The following DACH1 variants were observed in gnomAD, a reference collection of about 807,000 sequenced individuals.
DACH1 encodes dachshund homolog 1.
Under a neutral mutation model 54.2 loss-of-function variants are expected in DACH1, and 12 were observed. That is an observed-to-expected ratio of 0.22 (90% CI 0.14 to 0.36). DACH1 has a LOEUF of 0.36. Among genes scored for constraint, DACH1 ranks in the 10% least tolerant of loss-of-function variants. The pLI, the probability that DACH1 is intolerant of heterozygous loss-of-function variation, is 1.00. For synonymous variants in DACH1, 386 were observed against 366.2 expected, an observed-to-expected ratio of 1.05 and a Z score of -0.62; for missense variants, 805 against 929.8, an observed-to-expected ratio of 0.87 and a Z score of 1.75.
chr13:71,489,205 A>G, intron 6 of DACH1, 57 bp from the exon 7 acceptor site: 3 of 1,561,674 alleles, frequency 1.9e-6, no homozygotes, highest in Non-Finnish European at 2.6e-6. Context: ...TTTTTATTAG[A>G]CCTCAGTAAT....
At chr13:71,668,740 C>A (rs940960935) in intron 2 of DACH1, among the ~76,000 whole-genome samples, 1 of 152,004 alleles carries the variant, frequency 6.6e-6, no homozygotes, top group Non-Finnish European at 1.5e-5. Context: ...GCCTGGCCAA[C>A]ATGGTGAAAC....
At chr13:71,494,023 C>T (rs549250704) in intron 6 of DACH1, among the ~76,000 whole-genome samples, 1 of 152,240 alleles carries the variant, frequency 6.6e-6, no homozygotes, top group East Asian at 1.9e-4. Flanking sequence ...TATAAGGCAG[C>T]ACTCCCAATA....
At position 71,444,571 on chromosome 13, in the gene DACH1, T is replaced by C. The variant is rs530732209; in HGVS notation, c.2084-3879A>G. ...AACATTTCAGTACTCACTGTGGAAC[T>C]CTTAAGTCTCTGTACAATGAAGAAA... On this transcript the variant is annotated intron_variant, in intron 10 of 10. Transcript: ENST00000613252. Among the ~76,000 whole-genome samples the C allele has an allele frequency of 8.7e-4, 133 of 152,130 alleles. 1 individual carries two copies. Among genetic ancestry groups the C allele is most frequent in the Non-Finnish European group, 1.6e-3 (109 of 68,002 alleles).
At chr13:71,738,137 TG>T (rs1884220154) in intron 1 of DACH1, among the ~76,000 whole-genome samples, 1 of 152,204 alleles carries the variant, frequency 6.6e-6, no homozygotes, top group South Asian at 2.1e-4. Context: ...CAAGTATTCT[TG>T]CATACTTGCA....
chr13:71,728,538 A>C (rs936067588), intron 1 of DACH1, among the ~76,000 whole-genome samples: 1 of 152,080 alleles, frequency 6.6e-6, no homozygotes, highest in Non-Finnish European at 1.5e-5. Flanking sequence ...AATTTCCATG[A>C]ATTCCTCACA....
intron 3 of DACH1, among the ~76,000 whole-genome samples, chr13:71,607,463 T>A (rs556760129): frequency 6.6e-6 from 1 of 152,114 alleles, no homozygotes; most frequent in East Asian, 1.9e-4. Flanking sequence ...ATATCGCTGT[T>A]ACATGGAAAA....
intron 10 of DACH1, among the ~76,000 whole-genome samples, chr13:71,446,686 A>G (rs553048439): frequency 2.0e-5 from 3 of 152,338 alleles, no homozygotes; most frequent in South Asian, 4.1e-4. Flanking sequence ...TCTTTGACAT[A>G]CAGAATTATA....
At chr13:71,480,411 T>A (rs1027250193) in intron 7 of DACH1, among the ~76,000 whole-genome samples, 3 of 152,226 alleles carry the variant, frequency 2.0e-5, no homozygotes, top group Admixed American at 6.5e-5. Context: ...TTTGACATAC[T>A]GTATGCTTTT....
At position 71,440,570 on chromosome 13, in the gene DACH1, C is replaced by A; in HGVS notation, c.*85G>T. 3 of 1,081,086 alleles carry A rather than the reference C, an allele frequency of 2.8e-6. No individual in the cohort carries two copies. Among genetic ancestry groups the A allele is most frequent in the Admixed American group, 2.4e-5 (1 of 41,876 alleles). 67.0% of individuals were successfully genotyped at this position (1,081,086 alleles called of 1,614,324 possible). A position where few individuals can be genotyped will look rare whatever the true frequency, so the allele number is the denominator to read the frequency against. ...AATTCAGGAAGTTCCCTTAAAAGGA[C>A]TTTATTTTTTTCTGAACTTTCCCAT... On this transcript the variant is annotated 3_prime_UTR_variant, in exon 11 of 11. Transcript: ENST00000613252.
intron 1 of DACH1, among the ~76,000 whole-genome samples, chr13:71,697,683 G>A (rs1417664028): frequency 6.6e-6 from 1 of 152,022 alleles, no homozygotes; most frequent in African/African-American, 2.4e-5. Context: ...ATATTATTTA[G>A]TCCAGGGTTC....
chr13:71,662,425 T>C (rs937292801), intron 2 of DACH1, among the ~76,000 whole-genome samples: 8 of 152,118 alleles, frequency 5.3e-5, no homozygotes, highest in African/African-American at 1.9e-4. Context: ...GGCAGTTATG[T>C]TAACAGTCTT....
chr13:71,622,870 A>G (rs1306481697), intron 3 of DACH1, among the ~76,000 whole-genome samples: 1 of 151,814 alleles, frequency 6.6e-6, no homozygotes, highest in East Asian at 1.9e-4. Flanking sequence ...CATTAGTTAG[A>G]ATTAGCAATA....
intron 3 of DACH1, among the ~76,000 whole-genome samples, chr13:71,578,414 A>G (rs1300594312): frequency 6.6e-6 from 1 of 152,218 alleles, no homozygotes; most frequent in Non-Finnish European, 1.5e-5. Flanking sequence ...TTCAGCTGTT[A>G]CTTCAGAGGT....
In DACH1 at chr13:71,492,237, T is replaced by C. The variant is rs1452040922; in HGVS notation, c.1571-3089A>G. Among the ~76,000 whole-genome samples the C allele has an allele frequency of 2.6e-5, 4 of 152,190 alleles. No individual in the cohort carries two copies. In the East Asian group the frequency reaches 7.7e-4, roughly 29 times the overall value. On this transcript the variant is annotated intron_variant, in intron 6 of 10. Transcript: ENST00000613252. ...ATGTTTATTCATACTTCCTGACATG[T>C]AACGACAAGTAATGTTATTTTACTT... is the stretch of plus-strand genomic sequence containing the variant.
chr13:71,485,610 G>T (rs866711406), intron 7 of DACH1, among the ~76,000 whole-genome samples: 17 of 113,218 alleles, frequency 1.5e-4, no homozygotes, highest in African/African-American at 5.4e-4. Flanking sequence ...TAGCTGGAGG[G>T]AGTCTTGTTC....
At chr13:71,659,197 C>T (rs547219051) in intron 2 of DACH1, among the ~76,000 whole-genome samples, 2 of 152,190 alleles carry the variant, frequency 1.3e-5, no homozygotes, top group South Asian at 4.1e-4. Context: ...AAGGAAGTTT[C>T]TGTATATCAC....
At chr13:71,581,320 A>T (rs1872836104) in intron 3 of DACH1, among the ~76,000 whole-genome samples, 1 of 152,202 alleles carries the variant, frequency 6.6e-6, no homozygotes, top group Admixed American at 6.5e-5. Context: ...GCTGGAGAGC[A>T]GTGGTGCAAT....
chr13:71,512,044 G>A (rs967629813), intron 6 of DACH1, among the ~76,000 whole-genome samples: 3 of 151,818 alleles, frequency 2.0e-5, no homozygotes, highest in Non-Finnish European at 4.4e-5. Flanking sequence ...TGCTCAAAAC[G>A]CTTCATTTCC....
At chr13:71,527,850 A>G (rs1178323994) in intron 6 of DACH1, among the ~76,000 whole-genome samples, 1 of 151,970 alleles carries the variant, frequency 6.6e-6, no homozygotes, top group Non-Finnish European at 1.5e-5. Context: ...TAAACAAACA[A>G]CATGAAACTG....
Sources: allele counts gnomAD v4.1 joint callset (sites outside exome capture counted in the v4.1 genomes callset), GRCh38; gene constraint gnomAD v4.1.1; transcripts MANE v1.5; gene names NCBI Gene and HGNC (gene_info 2026-07-23, HGNC 2026-07-21).